Variants in LRBA observed in about 807,000 individuals in gnomAD.
LRBA encodes the protein lipopolysaccharide-responsive and beige-like anchor protein.
In LRBA, 176 loss-of-function variants were observed where a neutral mutation model predicts 330.0. The observed-to-expected ratio is 0.53, with a 90% confidence interval of 0.47 to 0.60. The LOEUF (loss-of-function observed/expected upper bound fraction) is 0.60, where lower values mean the gene tolerates loss of function less well. Among genes scored for constraint, LRBA ranks in the 20% least tolerant of loss-of-function variants. LRBA has a pLI of 0.00. For missense variants in LRBA, 3,259 were observed against 3,444.8 expected, an observed-to-expected ratio of 0.95 and a Z score of 1.35; for synonymous variants, 1,230 against 1,193.0, an observed-to-expected ratio of 1.03 and a Z score of -0.64.
chr4:150,348,085 C>G (rs1429242844), intron 48 of LRBA, among the ~76,000 whole-genome samples: 1 of 152,182 alleles, frequency 6.6e-6, no homozygotes, highest in Non-Finnish European at 1.5e-5. Flanking sequence ...AGATAGAGAA[C>G]ATTTCCAGCA....
chr4:150,833,311 A>G (rs1304376312), intron 28 of LRBA, among the ~76,000 whole-genome samples: 2 of 152,000 alleles, frequency 1.3e-5, no homozygotes, highest in Non-Finnish European at 2.9e-5. Flanking sequence ...ATATGTTTGA[A>G]CTTGTTAATT....
At chr4:150,325,680 T>A (rs770783352) in intron 49 of LRBA, 129 bp downstream of exon 49, 1 of 649,364 alleles carries the variant, frequency 1.5e-6, no homozygotes, top group Non-Finnish European at 2.8e-6. Flanking sequence ...GTTAGCAGGT[T>A]AACAAATATT....
chr4:150,775,478 C>CAA (rs1737160999), intron 34 of LRBA, among the ~76,000 whole-genome samples: 1 of 150,918 alleles, frequency 6.6e-6, no homozygotes, highest in African/African-American at 2.4e-5. Context: ...CACACACACA[C>CAA]ACACACACAC....
intron 56 of LRBA, among the ~76,000 whole-genome samples, chr4:150,273,590 T>A (rs1400924394): frequency 2.0e-5 from 3 of 150,994 alleles, no homozygotes; most frequent in Non-Finnish European, 4.4e-5. Flanking sequence ...AAGACACACA[T>A]AGGCTCAAAA....
At chr4:150,401,200 C>G (rs1192434011) in intron 47 of LRBA, among the ~76,000 whole-genome samples, 1 of 152,232 alleles carries the variant, frequency 6.6e-6, no homozygotes, top group African/African-American at 2.4e-5. Flanking sequence ...TCTCTATCGC[C>G]TTCAGCGGGA....
intron 22 of LRBA, among the ~76,000 whole-genome samples, chr4:150,862,669 A>C (rs557964331): frequency 8.3e-6 from 1 of 120,246 alleles, no homozygotes; most frequent in African/African-American, 2.5e-5. Flanking sequence ...TAGAACTTAA[A>C]GTATAATTTA....
At chr4:150,319,341 T>A (rs576305554) in intron 50 of LRBA, among the ~76,000 whole-genome samples, 25 of 152,224 alleles carry the variant, frequency 1.6e-4, no homozygotes, top group African/African-American at 5.8e-4. Context: ...CCACCCAGGA[T>A]AAGCATCATC....
At chr4:150,368,461 GTTAAA>G (rs748692905) in intron 47 of LRBA, among the ~76,000 whole-genome samples, 12 of 152,094 alleles carry the variant, frequency 7.9e-5, no homozygotes, top group Non-Finnish European at 1.8e-4. Context: ...TCTAACAAAA[GTTAAA>G]TTTAAACAGC....
chr4:150,417,724 C>T, intron 46 of LRBA, among the ~76,000 whole-genome samples: 1 of 152,064 alleles, frequency 6.6e-6, no homozygotes, highest in East Asian at 1.9e-4. Context: ...TGCATCATTT[C>T]CATTGTAAAT....
chr4:150,723,744 A>ATG (rs1729265576), intron 36 of LRBA, among the ~76,000 whole-genome samples: 1 of 152,210 alleles, frequency 6.6e-6, no homozygotes, highest in East Asian at 1.9e-4. Flanking sequence ...GGGTAGAGCA[A>ATG]TAAGCTGGCT....
At chr4:150,954,414 T>C (rs1463317775) in intron 2 of LRBA, among the ~76,000 whole-genome samples, 3 of 152,236 alleles carry the variant, frequency 2.0e-5, no homozygotes, top group African/African-American at 7.2e-5. Context: ...CATTTTGTTC[T>C]GTACTAGGAA....
chr4:150,906,674 G>C (rs1731375553), intron 11 of LRBA, among the ~76,000 whole-genome samples: 1 of 152,078 alleles, frequency 6.6e-6, no homozygotes, highest in Non-Finnish European at 1.5e-5. Flanking sequence ...TCATGATATA[G>C]AGAAAAATGA....
rs34361480 is a variant in LRBA, at chr4:150,770,586, TACACAC to T, written c.5581-8745_5581-8740del. 3.0e-3 allele frequency among the ~76,000 whole-genome samples: 442 copies of T among 147,938 alleles called. 4 individuals carry two copies. The highest frequency in any genetic ancestry group is 0.01 in the Middle Eastern group (3 of 290). Reference sequence around the variant, plus strand: ...CAAAGATTTTATATATATATATATATACACACACACACACACACACACAAACACATA... The same window carrying T: ...CAAAGATTTTATATATATATATATATACACACACACACACACAAACACATA... On this transcript the variant is annotated intron_variant, in intron 34 of 56. Transcript: ENST00000651943.
Position 150,779,615 on chromosome 4 carries a change from C to T in LRBA, c.5581-17768G>A, listed in dbSNP as rs1315255608. ...CATTTTAACTTTTTGAATGTCTAGA[C>T]ACTTTTTAACTCGAGAGAAAATCAT... On this transcript the variant is annotated intron_variant, in intron 34 of 56. Coordinates refer to ENST00000651943, the MANE Select transcript of LRBA (RefSeq NM_001364905.1). Among the ~76,000 whole-genome samples, 4 of 152,070 alleles carry T rather than the reference C, an allele frequency of 2.6e-5. No individual in the cohort carries two copies. The East Asian group carries it at 5.8e-4, about 22-fold the overall frequency.
intron 46 of LRBA, chr4:150,422,682 T>A (rs1250260710): frequency 1.4e-6 from 1 of 692,552 alleles, no homozygotes; most frequent in Non-Finnish European, 2.7e-6. Context: ...CTCTAACAAC[T>A]GAGACTGGCA....
intron 36 of LRBA, among the ~76,000 whole-genome samples, chr4:150,697,343 AAAAAAAAAC>A (rs1784736180): frequency 6.7e-6 from 1 of 149,070 alleles, no homozygotes; most frequent in East Asian, 2.0e-4. Flanking sequence ...AAAAAAAAAA[AAAAAAAAAC>A]AGGGAGAGTT....
At chr4:150,507,976 G>C (rs1373302870) in intron 40 of LRBA, among the ~76,000 whole-genome samples, 2 of 149,228 alleles carry the variant, frequency 1.3e-5, no homozygotes, top group African/African-American at 4.9e-5. Context: ...CTATTGCCAA[G>C]GACAAAAAAC....
chr4:150,398,874 GC>G (rs2151923185), intron 47 of LRBA, among the ~76,000 whole-genome samples: 1 of 152,156 alleles, frequency 6.6e-6, no homozygotes, highest in African/African-American at 2.4e-5. Flanking sequence ...GCAATCCTCT[GC>G]TTTAGCCTCC....
rs577419127 is a variant in LRBA, at chr4:150,837,899, C to A, written c.4570-5923G>T. Among the ~76,000 whole-genome samples, 429 of 152,302 alleles carry A rather than the reference C, an allele frequency of 2.8e-3. 2 individuals are homozygous for A. The highest frequency in any genetic ancestry group is 5.1e-3 in the Non-Finnish European group (348 of 68,026). On this transcript the variant is annotated intron_variant, in intron 28 of 56. Transcript: ENST00000651943. ...TTCTTCCTAGCATCGATGGTCTTTA[C>A]AATTTGGCATGTTTTTGCAGTGGCT...
Sources: allele counts gnomAD v4.1 joint callset (sites outside exome capture counted in the v4.1 genomes callset), GRCh38; gene constraint gnomAD v4.1.1; transcripts MANE v1.5; gene names NCBI Gene and HGNC (gene_info 2026-07-23, HGNC 2026-07-21).